The following OPRM1 variants were observed in gnomAD, a reference collection of about 807,000 sequenced individuals.
OPRM1 encodes the protein mu-type opioid receptor.
OPRM1 carries 27 observed loss-of-function variants against 31.8 expected under a neutral mutation model. The ratio of observed to expected loss-of-function variants is 0.85; its 90% CI spans 0.63 to 1.17. The LOEUF (loss-of-function observed/expected upper bound fraction) is 1.17, where lower values mean the gene tolerates loss of function less well. Among genes scored for constraint, OPRM1 ranks in the 50% most tolerant of loss-of-function variants. OPRM1 has a pLI of 0.00. For synonymous variants in OPRM1, 196 were observed against 189.9 expected (o/e 1.03, Z -0.26); for missense variants, 536 against 511.1 (o/e 1.05, Z -0.47).
At chr6:154,113,142 G>A (rs2128519784) in intron 3 of OPRM1, among the ~76,000 whole-genome samples, 1 of 152,260 alleles carries the variant, frequency 6.6e-6, no homozygotes, top group African/African-American at 2.4e-5. Context: ...TTACAATCAG[G>A]GAGCTAAGAC....
chr6:154,022,021 G>T (rs1007070870), intron 1 of OPRM1, among the ~76,000 whole-genome samples: 2 of 152,172 alleles, frequency 1.3e-5, no homozygotes, highest in African/African-American at 4.8e-5. Flanking sequence ...ATGTTGAAAA[G>T]GGTTGGTGAA....
At chr6:154,038,232 T>C (rs555383313), upstream of OPRM1, among the ~76,000 whole-genome samples, 6 of 152,180 alleles carry the variant, frequency 3.9e-5, no homozygotes, top group Non-Finnish European at 7.4e-5. Flanking sequence ...ACTGAGGACA[T>C]GTATTTTCAA....
chr6:154,240,181 C>A (rs1279857286), intron 3 of OPRM1, among the ~76,000 whole-genome samples: 5 of 152,212 alleles, frequency 3.3e-5, no homozygotes, highest in Admixed American at 1.3e-4. Context: ...TTAATTCATA[C>A]AACTAATTGA....
chr6:154,036,580 G>T (rs888688149), upstream of OPRM1, among the ~76,000 whole-genome samples: 1 of 151,892 alleles, frequency 6.6e-6, no homozygotes, highest in Non-Finnish European at 1.5e-5. Flanking sequence ...AGAAGAAAAG[G>T]CATATGGCTA....
At chr6:154,178,169 T>C (rs1408490246) in intron 3 of OPRM1, among the ~76,000 whole-genome samples, 1 of 152,084 alleles carries the variant, frequency 6.6e-6, no homozygotes, top group Non-Finnish European at 1.5e-5. Context: ...GGGATAGCGT[T>C]AGGAGAAATA....
intron 3 of OPRM1, among the ~76,000 whole-genome samples, chr6:154,181,810 TG>T (rs1188731129): frequency 3.3e-5 from 5 of 152,280 alleles, no homozygotes; most frequent in Admixed American, 6.5e-5. Context: ...ATTACCTTCT[TG>T]GGGACTTGAA....
intron 3 of OPRM1, among the ~76,000 whole-genome samples, chr6:154,152,335 GAAAGAAAGAAAGGAAAGAAA>G (rs1443006588): frequency 1.2e-4 from 4 of 33,938 alleles, no homozygotes; most frequent in African/African-American, 4.2e-4. Flanking sequence ...AAGAAAGAAA[GAAAGAAAGAAAGGAAAGAAA>G]GAAAGAAAGA....
intron 3 of OPRM1, among the ~76,000 whole-genome samples, chr6:154,232,206 C>T (rs1354140620): frequency 6.6e-6 from 1 of 152,218 alleles, no homozygotes; most frequent in African/African-American, 2.4e-5. Flanking sequence ...CATCCTGCAA[C>T]TATCACAGAG....
In OPRM1 at chr6:154,126,288, T is replaced by C. The variant is rs1583630889; in HGVS notation, c.*7567T>C. On this transcript the variant is annotated 3_prime_UTR_variant, in exon 4 of 4. Coordinates refer to ENST00000330432, the MANE Select transcript of OPRM1 (RefSeq NM_000914.5). Reference sequence around the variant, plus strand: ...TATTCACTGAACAACATGAGTGAGCTTCATTAATTTAAGCACAGCAAAACT... The same window carrying C: ...TATTCACTGAACAACATGAGTGAGCCTCATTAATTTAAGCACAGCAAAACT... Among the ~76,000 whole-genome samples, 1 of 152,214 alleles carries C rather than the reference T, an allele frequency of 6.6e-6. No individual in the cohort carries two copies. The highest frequency in any genetic ancestry group is 2.4e-5 in the African/African-American group (1 of 41,432).
chr6:154,080,038 G>T (rs1259112143), intron 1 of OPRM1, among the ~76,000 whole-genome samples: 1 of 152,008 alleles, frequency 6.6e-6, no homozygotes, highest in Non-Finnish European at 1.5e-5. Context: ...TCTCTAGCAT[G>T]GTTAATGAAA....
intron 3 of OPRM1, among the ~76,000 whole-genome samples, chr6:154,223,439 C>G (rs1456565989): frequency 6.6e-6 from 1 of 152,134 alleles, no homozygotes; most frequent in Non-Finnish European, 1.5e-5. Context: ...TGATAAGTCA[C>G]CCAGAATCTT....
intron 3 of OPRM1, chr6:154,156,691 T>TAGAA (rs1798730162): frequency 6.6e-6 from 1 of 152,252 alleles, no homozygotes; most frequent in African/African-American, 2.4e-5. Flanking sequence ...GGAGTCTTTC[T>TAGAA]AGGCCTTTGA....
At chr6:154,034,783 CT>C (rs1252695538), upstream of OPRM1, among the ~76,000 whole-genome samples, 1 of 152,042 alleles carries the variant, frequency 6.6e-6, no homozygotes, top group African/African-American at 2.4e-5. Flanking sequence ...ACCTCTGTAA[CT>C]GGAAATTGAA....
At chr6:154,151,846 T>C (rs1477421963) in intron 3 of OPRM1, among the ~76,000 whole-genome samples, 1 of 152,028 alleles carries the variant, frequency 6.6e-6, no homozygotes, top group African/African-American at 2.4e-5. Context: ...GAATTAGCTA[T>C]AAATCCAGGT....
intron 1 of OPRM1, among the ~76,000 whole-genome samples, chr6:154,025,195 G>T (rs1251343770): frequency 3.3e-5 from 5 of 151,972 alleles, no homozygotes; most frequent in Admixed American, 3.3e-4. Flanking sequence ...ATATATCGGG[G>T]TGCCCAATGT....
chr6:154,061,413 C>A (rs1485157660), intron 1 of OPRM1, among the ~76,000 whole-genome samples: 1 of 152,088 alleles, frequency 6.6e-6, no homozygotes, highest in African/African-American at 2.4e-5. Flanking sequence ...ATATATCTCA[C>A]TGTAGAACCA....
At chr6:154,226,699 A>G (rs1447345434) in intron 3 of OPRM1, among the ~76,000 whole-genome samples, 1 of 152,120 alleles carries the variant, frequency 6.6e-6, no homozygotes, top group East Asian at 1.9e-4. Context: ...CAGTCACAGC[A>G]AATGTTTACA....
chr6:154,152,347 G>GAAAGAAAGGAAAGAAAGAAAGAAAGAAA, intron 3 of OPRM1, among the ~76,000 whole-genome samples: 6 of 65,182 alleles, frequency 9.2e-5, no homozygotes, highest in Non-Finnish European at 1.3e-4. Flanking sequence ...AAGAAAGAAA[G>GAAAGAAAGGAAAGAAAGAAAGAAAGAAA]GAAAGAAAGA....
At chr6:154,165,129 A>G (rs1176746017) in intron 3 of OPRM1, among the ~76,000 whole-genome samples, 1 of 152,160 alleles carries the variant, frequency 6.6e-6, no homozygotes, top group African/African-American at 2.4e-5. Context: ...TCCTCTGTGT[A>G]TGATATATTC....
Sources: gnomAD v4.1 joint callset for allele counts (sites outside exome capture counted in the v4.1 genomes callset) on GRCh38, gnomAD v4.1.1 for gene constraint, MANE v1.5 for transcripts, NCBI Gene and HGNC (gene_info 2026-07-23, HGNC 2026-07-21) for gene names.